MCC: variants seen among roughly 807,000 people sequenced by gnomAD.
MCC encodes the protein MCC regulator of Wnt signaling pathway, also known as colorectal mutant cancer protein.
A neutral mutation model predicts 116.2 loss-of-function variants in MCC; 90 were observed. The observed-to-expected ratio is 0.77, with a 90% confidence interval of 0.65 to 0.92. The LOEUF (loss-of-function observed/expected upper bound fraction) is 0.92, where lower values mean the gene tolerates loss of function less well. Among genes scored for constraint, MCC ranks in the 40% least tolerant of loss-of-function variants. The pLI is 0.00. For missense variants in MCC, 1,516 were observed against 1,312.2 expected (o/e 1.16, Z -2.40); for synonymous variants, 578 against 510.5 (o/e 1.13, Z -1.78).
chr5:113,233,247 G>C (rs1253503063), intron 3 of MCC, among the ~76,000 whole-genome samples: 1 of 152,164 alleles, frequency 6.6e-6, no homozygotes, highest in African/African-American at 2.4e-5. Context: ...GCAAATGTAT[G>C]TAACACCTAC....
intron 2 of MCC, among the ~76,000 whole-genome samples, chr5:113,377,231 T>C (rs1769009160): frequency 6.6e-6 from 1 of 152,094 alleles, no homozygotes; most frequent in African/African-American, 2.4e-5. Context: ...TGTTTGCTGC[T>C]TGTCACCAAA....
chr5:113,078,892 T>C (rs551858099), intron 11 of MCC, among the ~76,000 whole-genome samples: 3 of 152,348 alleles, frequency 2.0e-5, no homozygotes, highest in African/African-American at 4.8e-5. Flanking sequence ...GATGACATGA[T>C]TGTATATTTA....
At chr5:113,255,442 A>T (rs1764969947) in intron 3 of MCC, among the ~76,000 whole-genome samples, 1 of 152,174 alleles carries the variant, frequency 6.6e-6, no homozygotes. Flanking sequence ...ACTAACCCCC[A>T]TATCTACTTA....
At chr5:113,046,710 A>AGAG (rs1554107698) in intron 16 of MCC, among the ~76,000 whole-genome samples, 2 of 102,410 alleles carry the variant, frequency 2.0e-5, no homozygotes, top group African/African-American at 8.0e-5. Flanking sequence ...AAAAAAAAAA[A>AGAG]AGAGAGAGAT....
At chr5:113,108,801 T>G (rs1037137525) in intron 6 of MCC, among the ~76,000 whole-genome samples, 1 of 152,174 alleles carries the variant, frequency 6.6e-6, no homozygotes, top group Non-Finnish European at 1.5e-5. Flanking sequence ...ACATACTTTC[T>G]TTGGTCATAG....
chr5:113,242,538 GTT>G (rs72062039), intron 3 of MCC, among the ~76,000 whole-genome samples: 1 of 150,140 alleles, frequency 6.7e-6, no homozygotes, highest in Admixed American at 6.6e-5. Flanking sequence ...TTAATTATTA[GTT>G]TTTTTTTTAA....
chr5:113,226,945 T>A (rs886914842), intron 3 of MCC, among the ~76,000 whole-genome samples: 3 of 152,226 alleles, frequency 2.0e-5, no homozygotes, highest in African/African-American at 7.2e-5. Flanking sequence ...AAAATAGGGA[T>A]AACTATACCT....
chr5:113,087,582 C>T (rs976186944), intron 8 of MCC, among the ~76,000 whole-genome samples: 7 of 152,262 alleles, frequency 4.6e-5, no homozygotes, highest in Non-Finnish European at 1.0e-4. Flanking sequence ...TGGGGGAAAC[C>T]TCCCGGTGGA....
intron 17 of MCC, among the ~76,000 whole-genome samples, chr5:113,030,844 C>A (rs1750905595): frequency 6.6e-6 from 1 of 152,186 alleles, no homozygotes; most frequent in Non-Finnish European, 1.5e-5. Flanking sequence ...CTCAACAGTG[C>A]TTAACTCCTG....
intron 3 of MCC, among the ~76,000 whole-genome samples, chr5:113,182,565 T>C (rs1761683918): frequency 6.6e-6 from 1 of 151,896 alleles, no homozygotes; most frequent in Non-Finnish European, 1.5e-5. Context: ...CACTGCACTC[T>C]AGCCTGACAA....
At chr5:113,154,467 TGAGGA>T (rs1246373861) in intron 3 of MCC, among the ~76,000 whole-genome samples, 1 of 152,206 alleles carries the variant, frequency 6.6e-6, no homozygotes, top group Non-Finnish European at 1.5e-5. Context: ...ACGGAGTAGG[TGAGGA>T]GAGGAGTGGA....
intron 3 of MCC, among the ~76,000 whole-genome samples, chr5:113,308,839 GA>G (rs1200133599): frequency 6.7e-6 from 1 of 150,292 alleles, no homozygotes; most frequent in Non-Finnish European, 1.5e-5. Flanking sequence ...GAGAGAGACA[GA>G]AAAAAAGAGA....
chr5:113,481,634 G>A (rs530434828), intron 1 of MCC, among the ~76,000 whole-genome samples: 5 of 152,266 alleles, frequency 3.3e-5, no homozygotes, highest in South Asian at 2.1e-4. Flanking sequence ...AGCTACTCAG[G>A]AGGCTGAGGC....
intron 13 of MCC, among the ~76,000 whole-genome samples, chr5:113,065,081 G>T (rs1753501121): frequency 6.6e-6 from 1 of 152,226 alleles, no homozygotes; most frequent in African/African-American, 2.4e-5. Context: ...GAACTTTTGG[G>T]GCAGTGAAGC....
intron 14 of MCC, among the ~76,000 whole-genome samples, chr5:113,059,916 T>A (rs1375636956): frequency 1.3e-5 from 2 of 152,138 alleles, no homozygotes; most frequent in African/African-American, 2.4e-5. Flanking sequence ...AAATATCCTC[T>A]CTTCTATCCC....
At chr5:113,421,629 A>G (rs1056485753) in intron 1 of MCC, among the ~76,000 whole-genome samples, 2 of 152,208 alleles carry the variant, frequency 1.3e-5, no homozygotes, top group East Asian at 1.9e-4. Context: ...TCTGGGTCAG[A>G]CTGTCTGCAA....
At chr5:113,044,385 C>G in intron 16 of MCC, 2 of 569,352 alleles carry the variant, frequency 3.5e-6, no homozygotes, top group Non-Finnish European at 4.4e-6. Context: ...TAAGACTATT[C>G]AAAGCAGTGA....
In MCC at chr5:113,195,015, G is replaced by C. The variant is rs183111112; in HGVS notation, c.628-43593C>G. Among the ~76,000 whole-genome samples, 12 of 152,310 alleles carry C rather than the reference G, an allele frequency of 7.9e-5. 1 individual carries two copies. The highest frequency in any genetic ancestry group is 6.2e-4 in the South Asian group (3 of 4,818). ...GATGTTTAACTCTGAATAGAACCAGGCTGCCCCAGAAGCATCCATGCCCAT... is the reference window on the plus strand; with the variant it reads ...GATGTTTAACTCTGAATAGAACCAGCCTGCCCCAGAAGCATCCATGCCCAT... On this transcript the variant is annotated intron_variant, in intron 3 of 18. Transcript: ENST00000408903.
intron 5 of MCC, among the ~76,000 whole-genome samples, chr5:113,135,351 G>C (rs1017939698): frequency 1.4e-5 from 2 of 147,112 alleles, no homozygotes; most frequent in African/African-American, 5.0e-5. Context: ...TCAGGAGATC[G>C]AGACCAGCCT....
Sources: allele counts gnomAD v4.1 joint callset (sites outside exome capture counted in the v4.1 genomes callset), GRCh38; gene constraint gnomAD v4.1.1; transcripts MANE v1.5; gene names NCBI Gene and HGNC (gene_info 2026-07-23, HGNC 2026-07-21).